THSD4: variants seen among roughly 807,000 people sequenced by gnomAD.
THSD4 encodes the protein thrombospondin type-1 domain-containing protein 4.
Under a neutral mutation model 119.0 loss-of-function variants are expected in THSD4, and 69 were observed. The observed-to-expected ratio is 0.58, with a 90% CI of 0.48 to 0.71. The LOEUF is 0.71. Ranked by LOEUF, THSD4 falls within the 30% of genes least tolerant of loss-of-function variation. The pLI is 0.00. For missense variants in THSD4, 1,393 were observed against 1,391.1 expected (o/e 1.00, Z -0.02); for synonymous variants, 524 against 540.4 (o/e 0.97, Z 0.42).
intron 6 of THSD4, among the ~76,000 whole-genome samples, chr15:71,314,201 AT>A (rs527630765): frequency 4.6e-5 from 7 of 151,218 alleles, no homozygotes; most frequent in East Asian, 1.9e-4. Context: ...TTATATCTTG[AT>A]TTTTTTTTCT....
chr15:71,187,352 C>T (rs968689996), intron 3 of THSD4: 1 of 152,690 alleles, frequency 6.5e-6, no homozygotes, highest in African/African-American at 2.4e-5. Flanking sequence ...GCCTTTGTCC[C>T]CGTGGACTTG....
intron 7 of THSD4, among the ~76,000 whole-genome samples, chr15:71,426,647 G>C (rs1460255411): frequency 6.6e-6 from 1 of 152,106 alleles, no homozygotes; most frequent in Non-Finnish European, 1.5e-5. Context: ...CCTTGAAAGA[G>C]GGTAGATAGC....
intron 7 of THSD4, among the ~76,000 whole-genome samples, chr15:71,582,196 T>C (rs911723448): frequency 1.3e-5 from 2 of 152,178 alleles, no homozygotes; most frequent in African/African-American, 4.8e-5. Context: ...GTTTTCAGTG[T>C]ACAGATCTTT....
At chr15:71,508,893 T>G (rs2048235284) in intron 7 of THSD4, among the ~76,000 whole-genome samples, 1 of 151,784 alleles carries the variant, frequency 6.6e-6, no homozygotes, top group South Asian at 2.1e-4. Flanking sequence ...TCAAACATTT[T>G]AGAATTCTTT....
intron 4 of THSD4, among the ~76,000 whole-genome samples, chr15:71,220,083 G>C (rs1439416008): frequency 1.6e-5 from 2 of 128,750 alleles, no homozygotes; most frequent in African/African-American, 5.4e-5. Flanking sequence ...TAGGCATCAC[G>C]TGAGTTCAAA....
chr15:71,559,517 C>A (rs557479038), intron 7 of THSD4, among the ~76,000 whole-genome samples: 2 of 151,268 alleles, frequency 1.3e-5, no homozygotes, highest in African/African-American at 4.8e-5. Context: ...TTTGCTCAAT[C>A]TGCCATCTTG....
At chr15:71,211,727 G>A (rs1342498279) in intron 3 of THSD4, among the ~76,000 whole-genome samples, 1 of 152,078 alleles carries the variant, frequency 6.6e-6, no homozygotes, top group African/African-American at 2.4e-5. Context: ...TGATTTGTTA[G>A]AATTATTTAT....
intron 7 of THSD4, among the ~76,000 whole-genome samples, chr15:71,497,063 C>A (rs148094936): frequency 3.2e-4 from 48 of 152,326 alleles, no homozygotes; most frequent in African/African-American, 1.1e-3. Flanking sequence ...ATTCCAACCA[C>A]CAAAGAGTAT....
chr15:71,512,088 T>C (rs575526043), intron 7 of THSD4, among the ~76,000 whole-genome samples: 1 of 152,334 alleles, frequency 6.6e-6, no homozygotes, highest in Admixed American at 6.5e-5. Context: ...TTTGTTGTTA[T>C]CCCAGCAGCT....
In THSD4 at chr15:71,778,945, A is replaced by C. The variant is rs1168113413; in HGVS notation, c.*1571A>C. 1.3e-5 allele frequency: 2 copies of C among 152,242 alleles called. No homozygotes were observed. Among genetic ancestry groups the C allele is most frequent in the Admixed American group, 6.5e-5 (1 of 15,286 alleles). 9.4% of individuals were successfully genotyped at this position (152,242 alleles called of 1,614,324 possible). On this transcript the variant is annotated 3_prime_UTR_variant, in exon 18 of 18. Coordinates refer to ENST00000261862, the MANE Select transcript of THSD4 (RefSeq NM_024817.3). ...CTAAACAAATGTTAAACTTACAGAA[A>C]ATTTGTCTTATGGTCCTGAGCATAT... is the stretch of plus-strand genomic sequence containing the variant.
chr15:71,398,444 A>T (rs2046480846), intron 6 of THSD4, among the ~76,000 whole-genome samples: 1 of 152,140 alleles, frequency 6.6e-6, no homozygotes, highest in Admixed American at 6.5e-5. Flanking sequence ...AGTCAGGGAG[A>T]TCAGCTAGGA....
chr15:71,629,675 C>T (rs1178764679), intron 7 of THSD4, among the ~76,000 whole-genome samples: 2 of 152,160 alleles, frequency 1.3e-5, no homozygotes, highest in East Asian at 1.9e-4. Flanking sequence ...TTCTACCTCC[C>T]CACACCCCAC....
intron 15 of THSD4, among the ~76,000 whole-genome samples, chr15:71,761,486 C>T (rs2053627343): frequency 6.6e-6 from 1 of 152,024 alleles, no homozygotes; most frequent in Admixed American, 6.5e-5. Flanking sequence ...TCTGCTTTCC[C>T]CCCAAAGATT....
intron 6 of THSD4, among the ~76,000 whole-genome samples, chr15:71,291,915 G>A (rs1467423902): frequency 1.3e-5 from 2 of 152,104 alleles, no homozygotes; most frequent in African/African-American, 4.8e-5. Context: ...AGCATAGCTA[G>A]CATCCTCTAT....
At chr15:71,394,080 T>TTTC (rs997277376) in intron 6 of THSD4, among the ~76,000 whole-genome samples, 2 of 148,196 alleles carry the variant, frequency 1.3e-5, no homozygotes, top group Non-Finnish European at 3.0e-5. Flanking sequence ...TACACAATAT[T>TTTC]TTTTTTTTTT....
At chr15:71,146,669 G>T in intron 2 of THSD4, among the ~76,000 whole-genome samples, 1 of 152,176 alleles carries the variant, frequency 6.6e-6, no homozygotes, top group Non-Finnish European at 1.5e-5. Flanking sequence ...CATCTGGGGG[G>T]TGCAGAAGTG....
chr15:71,486,626 T>G (rs901602469), intron 7 of THSD4, among the ~76,000 whole-genome samples: 3 of 147,028 alleles, frequency 2.0e-5, no homozygotes, highest in African/African-American at 5.1e-5. Flanking sequence ...TTTTTTTTTT[T>G]TTTTTTTTTT....
chr15:71,748,610 G>C lies in THSD4; in HGVS notation c.2415+16G>C, dbSNP rs1389200856. The C allele has an allele frequency of 6.2e-7, 1 of 1,613,552 alleles. No individual in the cohort carries two copies. Among genetic ancestry groups the C allele is most frequent in the Admixed American group, 1.7e-5 (1 of 59,998 alleles). ...GAGCGAAAGGGTGAGTGTGATGGCGGGCAGAGCGCCGGGGACCGAGGTCTG... is the reference window on the plus strand; with the variant it reads ...GAGCGAAAGGGTGAGTGTGATGGCGCGCAGAGCGCCGGGGACCGAGGTCTG... On this transcript the variant is annotated intron_variant, in intron 14 of 17. Transcript: ENST00000261862.
intron 7 of THSD4, among the ~76,000 whole-genome samples, chr15:71,584,336 C>T (rs549876849): frequency 5.3e-5 from 7 of 132,644 alleles, no homozygotes; most frequent in South Asian, 4.9e-4. Context: ...GGCATGATCT[C>T]GGCTCACTGC....
Sources: gnomAD v4.1 joint callset for allele counts (sites outside exome capture counted in the v4.1 genomes callset) on GRCh38, gnomAD v4.1.1 for gene constraint, MANE v1.5 for transcripts, NCBI Gene and HGNC (gene_info 2026-07-23, HGNC 2026-07-21) for gene names.